Variants in SUPT3H observed in about 807,000 individuals in gnomAD.
The protein encoded by SUPT3H is transcription initiation protein SPT3 homolog.
A neutral mutation model predicts 44.3 loss-of-function variants in SUPT3H; 44 were observed. The observed-to-expected ratio is 0.99, with a 90% CI of 0.78 to 1.28. The LOEUF (loss-of-function observed/expected upper bound fraction) is 1.28. Ranked by LOEUF, SUPT3H falls within the 50% of genes most tolerant of loss-of-function variation. The pLI is 0.00. For missense variants in SUPT3H, 380 were observed against 387.1 expected, an observed-to-expected ratio of 0.98 and a Z score of 0.15; for synonymous variants, 124 against 125.6, an observed-to-expected ratio of 0.99 and a Z score of 0.09.
chr6:45,178,176 T>A (rs1043826570), intron 2 of SUPT3H, among the ~76,000 whole-genome samples: 65 of 151,944 alleles, frequency 4.3e-4, no homozygotes, highest in African/African-American at 1.4e-3. Context: ...AGGAAACCCA[T>A]CTCATGTGCA....
intron 2 of SUPT3H, among the ~76,000 whole-genome samples, chr6:45,325,401 T>C (rs1786193321): frequency 6.6e-6 from 1 of 151,864 alleles, no homozygotes; most frequent in Non-Finnish European, 1.5e-5. Flanking sequence ...TAAACACAAA[T>C]ACCTTGGTAT....
chr6:45,210,084 G>GT (rs1344781452), intron 2 of SUPT3H, among the ~76,000 whole-genome samples: 1 of 152,078 alleles, frequency 6.6e-6, no homozygotes, highest in Non-Finnish European at 1.5e-5. Flanking sequence ...TGTAATTAAG[G>GT]TATGTATACT....
intron 6 of SUPT3H, among the ~76,000 whole-genome samples, chr6:44,999,496 G>C (rs1781729152): frequency 6.6e-6 from 1 of 151,954 alleles, no homozygotes; most frequent in Admixed American, 6.6e-5. Context: ...AACATGTGCT[G>C]GTTGAAGGTG....
At chr6:45,133,329 T>C (rs1374526067) in intron 2 of SUPT3H, among the ~76,000 whole-genome samples, 1 of 152,204 alleles carries the variant, frequency 6.6e-6, no homozygotes, top group Admixed American at 6.5e-5. Context: ...TGAAGCTCTT[T>C]CCTTCCCCAG....
chr6:45,348,175 G>A (rs1791277126), intron 2 of SUPT3H, among the ~76,000 whole-genome samples: 1 of 151,964 alleles, frequency 6.6e-6, no homozygotes, highest in Non-Finnish European at 1.5e-5. Context: ...TAATAATTAA[G>A]AAAATAAGTT....
chr6:45,054,201 C>G (rs1202929856), intron 3 of SUPT3H, among the ~76,000 whole-genome samples: 1 of 151,684 alleles, frequency 6.6e-6, no homozygotes, highest in Non-Finnish European at 1.5e-5. Context: ...CCCCTGTAAG[C>G]TGTAGTAGGA....
rs566105677 is a variant in SUPT3H, at chr6:45,192,407, T to C, written c.102-86401A>G. Among the ~76,000 whole-genome samples, 13 of 152,246 alleles carry C rather than the reference T, an allele frequency of 8.5e-5. No homozygotes were observed. In the East Asian group the frequency reaches 1.9e-3, roughly 23 times the overall value. ...AGAATTATATTCTTTGAAATGAGAATGGTTAACTTGGGATCAGATGAAAAT... is the reference window on the plus strand; with the variant it reads ...AGAATTATATTCTTTGAAATGAGAACGGTTAACTTGGGATCAGATGAAAAT... On this transcript the variant is annotated intron_variant, in intron 2 of 10. Coordinates refer to ENST00000371459, the MANE Select transcript of SUPT3H (RefSeq NM_003599.4).
intron 4 of SUPT3H, among the ~76,000 whole-genome samples, chr6:45,020,037 T>G (rs562650815): frequency 6.6e-6 from 1 of 152,030 alleles, no homozygotes; most frequent in East Asian, 1.9e-4. Context: ...AGGTAGGCCT[T>G]TGTTCAAAAA....
chr6:45,142,782 A>C (rs1169078103), intron 2 of SUPT3H, among the ~76,000 whole-genome samples: 3 of 142,082 alleles, frequency 2.1e-5, no homozygotes, highest in Non-Finnish European at 4.7e-5. Context: ...GGCAGAATGC[A>C]TAAAAATCCA....
At chr6:45,111,537 C>G (rs554933858) in intron 2 of SUPT3H, among the ~76,000 whole-genome samples, 6 of 143,318 alleles carry the variant, frequency 4.2e-5, no homozygotes, top group African/African-American at 7.8e-5. Context: ...CCCTCCCCCC[C>G]GCAAAAAAAA....
At chr6:45,180,384 A>C (rs1206241751) in intron 2 of SUPT3H, among the ~76,000 whole-genome samples, 5 of 150,466 alleles carry the variant, frequency 3.3e-5, no homozygotes, top group African/African-American at 1.2e-4. Flanking sequence ...GTTCATATGG[A>C]ACCAAAAAAG....
chr6:45,176,576 G>T (rs1307644253), intron 2 of SUPT3H, among the ~76,000 whole-genome samples: 3 of 152,162 alleles, frequency 2.0e-5, no homozygotes, highest in Admixed American at 1.3e-4. Flanking sequence ...GCCCACCACA[G>T]CTCAAGGAGA....
At chr6:45,047,382 A>G (rs952836988) in intron 3 of SUPT3H, among the ~76,000 whole-genome samples, 2 of 152,208 alleles carry the variant, frequency 1.3e-5, no homozygotes, top group Non-Finnish European at 2.9e-5. Flanking sequence ...GTATTAGAGC[A>G]CTGAACAAAT....
At chr6:45,342,888 G>GA (rs1481081762) in intron 2 of SUPT3H, among the ~76,000 whole-genome samples, 2 of 152,124 alleles carry the variant, frequency 1.3e-5, no homozygotes, top group East Asian at 3.8e-4. Context: ...GTATTCTCAT[G>GA]AAAACCATAG....
At chr6:45,228,750 G>A (rs1767398246) in intron 2 of SUPT3H, among the ~76,000 whole-genome samples, 1 of 152,034 alleles carries the variant, frequency 6.6e-6, no homozygotes, top group Non-Finnish European at 1.5e-5. Flanking sequence ...CAGAGTTCAG[G>A]TGATTCTCCT....
chr6:45,122,322 C>T (rs903084877), intron 2 of SUPT3H, among the ~76,000 whole-genome samples: 1 of 152,096 alleles, frequency 6.6e-6, no homozygotes, highest in African/African-American at 2.4e-5. Flanking sequence ...TGATTCAATT[C>T]AGTATAACTA....
At chr6:45,258,615 G>A (rs1316764693) in intron 2 of SUPT3H, among the ~76,000 whole-genome samples, 2 of 152,144 alleles carry the variant, frequency 1.3e-5, no homozygotes, top group African/African-American at 4.8e-5. Context: ...ATAATTACAA[G>A]TCAGTCAGTA....
chr6:45,238,169 G>T (rs1467901361), intron 2 of SUPT3H, among the ~76,000 whole-genome samples: 2 of 152,112 alleles, frequency 1.3e-5, no homozygotes, highest in African/African-American at 4.8e-5. Flanking sequence ...TCAGTATATG[G>T]ATGATATACT....
At chr6:44,958,385 T>C (rs1256857509) in intron 7 of SUPT3H, among the ~76,000 whole-genome samples, 1 of 152,210 alleles carries the variant, frequency 6.6e-6, no homozygotes, top group East Asian at 1.9e-4. Flanking sequence ...CCATTCCCAG[T>C]CCTTTCCTTA....
Sources: gnomAD v4.1 joint callset for allele counts (sites outside exome capture counted in the v4.1 genomes callset) on GRCh38, gnomAD v4.1.1 for gene constraint, MANE v1.5 for transcripts, NCBI Gene and HGNC (gene_info 2026-07-23, HGNC 2026-07-21) for gene names.